DDX21: variants seen among roughly 807,000 people sequenced by gnomAD.
DDX21 encodes DExD-box helicase 21.
Under a neutral mutation model 90.0 loss-of-function variants are expected in DDX21, and 18 were observed. That is an observed-to-expected ratio of 0.20 (90% CI 0.14 to 0.30). The LOEUF (loss-of-function observed/expected upper bound fraction) is 0.30, where lower values mean the gene tolerates loss of function less well. Among genes scored for constraint, DDX21 ranks in the 10% least tolerant of loss-of-function variants. The pLI, the probability that DDX21 is intolerant of heterozygous loss-of-function variation, is 1.00. For synonymous variants in DDX21, 294 were observed against 318.0 expected, an observed-to-expected ratio of 0.92 and a Z score of 0.80; for missense variants, 673 against 944.5, an observed-to-expected ratio of 0.71 and a Z score of 3.77.
At chr10:68,962,690 G>A (rs2132080961) in intron 3 of DDX21, among the ~76,000 whole-genome samples, 1 of 152,286 alleles carries the variant, frequency 6.6e-6, no homozygotes, top group South Asian at 2.1e-4. Flanking sequence ...TAAGCAATTA[G>A]GTGATGCCAT....
Position 68,976,971 on chromosome 10 carries a change from G to T in DDX21, c.1743-558G>T, listed in dbSNP as rs545620767. Among the ~76,000 whole-genome samples, 15 of 151,416 alleles carry T rather than the reference G, an allele frequency of 9.9e-5. No individual in the cohort carries two copies. The South Asian group carries it at 3.1e-3, about 32-fold the overall frequency. On this transcript the variant is annotated intron_variant, in intron 11 of 14. Coordinates refer to ENST00000354185, the MANE Select transcript of DDX21 (RefSeq NM_004728.4). ...TTTCTTTTTTTTTTAAAGAGACGGA[G>T]TTTCTTAAAATGATTGTGTGTGGCA...
chr10:68,972,145 T>C, intron 9 of DDX21, 93 bp downstream of exon 9: 1 of 1,395,750 alleles, frequency 7.2e-7, no homozygotes, highest in Admixed American at 2.2e-5. Context: ...ATGTCATTAG[T>C]ATATAGCTAT....
In DDX21 at chr10:68,983,546, A is replaced by C. The variant is rs1472888514; in HGVS notation, c.*734A>C. 6.6e-6 allele frequency: 1 copy of C among 152,142 alleles called. No homozygotes were observed. Among genetic ancestry groups the C allele is most frequent in the East Asian group, 1.9e-4 (1 of 5,202 alleles). 9.4% of individuals were successfully genotyped at this position (152,142 alleles called of 1,614,324 possible). ...GGGTTTTAAGGAATTTCACATGTAT[A>C]AGGTGGCTCCATAGCTTTATTTGTA... On this transcript the variant is annotated 3_prime_UTR_variant, in exon 15 of 15. Transcript: ENST00000354185.
At chr10:68,973,771 C>A in intron 10 of DDX21, 107 bp downstream of exon 10, 1 of 1,407,134 alleles carries the variant, frequency 7.1e-7, no homozygotes, top group South Asian at 1.4e-5. Flanking sequence ...TAGTGTGTGG[C>A]AATGACTGAA....
At position 68,982,703 on chromosome 10, in the gene DDX21, G is replaced by A. The variant is rs118124371; in HGVS notation, c.2243G>A (p.Arg748Gln). ...RDGNRRFRGQ[R>Q]EGSRGPRGQR... ...GGAAACAGAAGATTCAGAGGACAGC[G>A]GGAAGGCAGTAGAGGCCCGAGAGGA... is the stretch of plus-strand genomic sequence containing the variant. The change falls in exon 15 of 15, where the codon CGG becomes CAG. Residue 748 changes from arginine to glutamine, a missense_variant. Arg to Gln is a conservative substitution (Grantham distance 43). Around this residue, in one of 4 missense-constraint regions of DDX21, gnomAD observed 225 missense variants for 298.8 expected, o/e 0.75. Coordinates refer to ENST00000354185, the MANE Select transcript of DDX21 (RefSeq NM_004728.4). 53 of 1,614,076 alleles carry A rather than the reference G, an allele frequency of 3.3e-5. No individual in the cohort carries two copies. The East Asian group carries it at 5.1e-4, about 16-fold the overall frequency.
chr10:68,978,232 G>A (rs1311019311), intron 12 of DDX21, among the ~76,000 whole-genome samples: 2 of 152,152 alleles, frequency 1.3e-5, no homozygotes, highest in Non-Finnish European at 2.9e-5. Context: ...GGGAGGAATG[G>A]CAGTGGCTAG....
rs150078610 is a variant in DDX21, at chr10:68,968,299, G to C, written c.1091-677G>C. ...TCCTGAGTAGCTTAGGGCTACAGGCGTGCGCCACCATGCCTGGCTAATGTT... is the reference window on the plus strand; with the variant it reads ...TCCTGAGTAGCTTAGGGCTACAGGCCTGCGCCACCATGCCTGGCTAATGTT... On this transcript the variant is annotated intron_variant, in intron 6 of 14. Coordinates refer to ENST00000354185, the MANE Select transcript of DDX21 (RefSeq NM_004728.4). 3.3e-5 allele frequency among the ~76,000 whole-genome samples: 5 copies of C among 152,242 alleles called. No homozygotes were observed. The South Asian group carries it at 1.0e-3, about 32-fold the overall frequency.
intron 13 of DDX21, among the ~76,000 whole-genome samples, chr10:68,979,301 C>G (rs1199615856): frequency 2.0e-5 from 3 of 152,116 alleles, no homozygotes; most frequent in East Asian, 3.9e-4. Flanking sequence ...TATTCAGAAT[C>G]TTGAATTCAA....
chr10:68,980,798 C>T (rs1843174661), intron 13 of DDX21, among the ~76,000 whole-genome samples: 1 of 144,948 alleles, frequency 6.9e-6, no homozygotes. Flanking sequence ...TTCTTGAGAC[C>T]AGCCTGGGTA....
chr10:68,961,098 G>A (rs1204795840), intron 2 of DDX21, among the ~76,000 whole-genome samples: 1 of 152,104 alleles, frequency 6.6e-6, no homozygotes, highest in Non-Finnish European at 1.5e-5. Flanking sequence ...AATACGAATT[G>A]TATTAAAAAA....
intron 12 of DDX21, 68 bp downstream of exon 12, chr10:68,977,756 A>G (rs1329481625): frequency 1.4e-6 from 2 of 1,437,824 alleles, no homozygotes; most frequent in African/African-American, 2.8e-5. Context: ...AAAGGGTTTC[A>G]TTTAAGCTTC....
chr10:68,968,796 C>T (rs1443497982), intron 6 of DDX21, among the ~76,000 whole-genome samples, 180 bp from the exon 7 acceptor site: 4 of 152,192 alleles, frequency 2.6e-5, no homozygotes, highest in South Asian at 4.1e-4. Flanking sequence ...AATTACCTAG[C>T]GGTATTTCTT....
intron 6 of DDX21, 30 bp from the exon 7 acceptor site, chr10:68,968,946 T>C: frequency 6.2e-7 from 1 of 1,611,120 alleles, no homozygotes; most frequent in Non-Finnish European, 8.5e-7. Context: ...GGATTATTCA[T>C]ACTGACTTTT....
chr10:68,968,283 G>A (rs1343709471), intron 6 of DDX21, among the ~76,000 whole-genome samples: 1 of 149,188 alleles, frequency 6.7e-6, no homozygotes. Flanking sequence ...TTCCTGAGTA[G>A]CTTAGGGCTA....
Position 68,963,450 on chromosome 10 carries a change from A to G in DDX21, c.767A>G (p.Lys256Arg). 1 of 1,612,970 alleles carries G rather than the reference A, an allele frequency of 6.2e-7. No individual in the cohort carries two copies. The highest frequency in any genetic ancestry group is 8.5e-7 in the Non-Finnish European group (1 of 1,179,528). The change falls in exon 4 of 15, where the codon AAG becomes AGG. Residue 256 changes from lysine to arginine, a missense_variant. Coordinates refer to ENST00000354185, the MANE Select transcript of DDX21 (RefSeq NM_004728.4). Reference protein sequence around the residue: ...EKLHGELQDRKRGRAPQVLVL... With the variant: ...EKLHGELQDRRRGRAPQVLVL... ...CTTCATGGGGAACTGCAAGACAGGA[A>G]GAGAGGCCGTGCCCCTCAGGTAACT...
intron 7 of DDX21, among the ~76,000 whole-genome samples, chr10:68,969,793 A>G (rs1197262682): frequency 6.6e-6 from 1 of 152,200 alleles, no homozygotes; most frequent in Non-Finnish European, 1.5e-5. Context: ...AATTAATTTC[A>G]CTGAGGAACA....
In DDX21 at chr10:68,967,070, C is replaced by A. The variant is rs148566148; in HGVS notation, c.957C>A (p.Ile319=). 2 of 1,611,384 alleles carry A rather than the reference C, an allele frequency of 1.2e-6. No individual in the cohort carries two copies. The highest frequency in any genetic ancestry group is 2.7e-5 in the African/African-American group (2 of 74,334). ...TCCTGGTTGGAACACCAGGTCGTAT[C>A]AAAGACCACATACAGAATGGCAAAC... ...IDILVGTPGR[I]KDHIQNGKLD... The change falls in exon 6 of 15, where the codon ATC becomes ATA. Residue 319 remains isoleucine, a synonymous_variant. Coordinates refer to ENST00000354185, the MANE Select transcript of DDX21 (RefSeq NM_004728.4).
At chr10:68,964,354 A>G (rs1842911910) in intron 4 of DDX21, among the ~76,000 whole-genome samples, 1 of 152,022 alleles carries the variant, frequency 6.6e-6, no homozygotes, top group Non-Finnish European at 1.5e-5. Context: ...CCCTTTGTTA[A>G]TTTGTTTACT....
chr10:68,956,344 C>T (rs1330159596), intron 1 of DDX21, 32 bp downstream of exon 1: 4 of 1,613,074 alleles, frequency 2.5e-6, no homozygotes, highest in South Asian at 2.2e-5. Flanking sequence ...CCAGGAGGGA[C>T]GCTGAATGGA....
Sources: allele counts gnomAD v4.1 joint callset (sites outside exome capture counted in the v4.1 genomes callset), GRCh38; gene constraint gnomAD v4.1.1; regional missense constraint gnomAD v4.1.1; transcripts MANE v1.5; gene names NCBI Gene and HGNC (gene_info 2026-07-23, HGNC 2026-07-21).